The following MYH10 variants were observed in gnomAD, a reference collection of about 807,000 sequenced individuals.
MYH10 encodes the protein myosin-10.
In MYH10, 55 loss-of-function variants were observed where a neutral mutation model predicts 257.8. The observed-to-expected ratio is 0.21, with a 90% CI of 0.17 to 0.27. The LOEUF (loss-of-function observed/expected upper bound fraction) is 0.27. MYH10 is among the 10% of genes least tolerant of loss of function. The probability of loss-of-function intolerance (pLI) is 1.00; values close to 1 mark genes in which losing one functional copy is unlikely to be tolerated. For synonymous variants in MYH10, 854 were observed against 921.7 expected, an observed-to-expected ratio of 0.93 and a Z score of 1.33; for missense variants, 1,631 against 2,500.6, an observed-to-expected ratio of 0.65 and a Z score of 7.42.
In MYH10 at chr17:8,480,151, G is replaced by C. The variant is rs1913449840; in HGVS notation, c.5556C>G (p.Ala1852=). Residue 1852 remains alanine (A), a synonymous_variant, in exon 40 of 43, where the codon GCC becomes GCG. Coordinates refer to ENST00000360416, the MANE Select transcript of MYH10 (RefSeq NM_001256012.3). The stretch of plus-strand genomic sequence containing the variant: ...GCTGCTCCTCCAGCTGCCCAATCTT[G>C]GCCTCCAGGGCTGAGATGGTGGCCT... ...KFKATISALE[A]KIGQLEEQLE... is the part of the protein sequence containing the mutation. 6.2e-7 allele frequency: 1 copy of C among 1,613,972 alleles called. No individual in the cohort carries two copies. Among genetic ancestry groups the C allele is most frequent in the Admixed American group, 1.7e-5 (1 of 60,000 alleles).
intron 30 of MYH10, among the ~76,000 whole-genome samples, chr17:8,498,272 T>G (rs371043323): frequency 1.3e-5 from 2 of 152,098 alleles, no homozygotes; most frequent in East Asian, 1.9e-4. Flanking sequence ...AGGTGTGAGC[T>G]ACCACGCCCG....
intron 23 of MYH10, 33 bp from the exon 24 acceptor site, chr17:8,512,690 C>T: frequency 4.4e-6 from 7 of 1,576,474 alleles, no homozygotes; most frequent in South Asian, 1.1e-5. Flanking sequence ...GTGATTTGCC[C>T]CTATTACATA....
intron 30 of MYH10, among the ~76,000 whole-genome samples, chr17:8,498,930 A>C (rs1363445161): frequency 6.6e-6 from 1 of 152,192 alleles, no homozygotes; most frequent in East Asian, 1.9e-4. Flanking sequence ...ATCTTTGCCA[A>C]TGTGAAGTAT....
intron 9 of MYH10, among the ~76,000 whole-genome samples, chr17:8,549,022 G>A (rs369933134): frequency 2.6e-5 from 4 of 152,162 alleles, no homozygotes; most frequent in Non-Finnish European, 5.9e-5. Context: ...ACCTTAACAG[G>A]AGTTTTGGGG....
chr17:8,540,408 AT>A (rs1213472868), intron 14 of MYH10, among the ~76,000 whole-genome samples: 2 of 152,216 alleles, frequency 1.3e-5, no homozygotes, highest in South Asian at 2.1e-4. Flanking sequence ...TAAAAAAAAA[AT>A]ATGCAAAAAT....
intron 7 of MYH10, among the ~76,000 whole-genome samples, chr17:8,567,549 A>C (rs2083202374): frequency 6.6e-6 from 1 of 152,192 alleles, no homozygotes; most frequent in Non-Finnish European, 1.5e-5. Context: ...GTAATTAGGA[A>C]GAGGGTCTTT....
In MYH10 at chr17:8,477,019, C is replaced by G; in HGVS notation, c.5736G>C (p.Gln1912His). 3.7e-6 allele frequency: 6 copies of G among 1,614,168 alleles called. No homozygotes were observed. The highest frequency in any genetic ancestry group is 5.1e-6 in the Non-Finnish European group (6 of 1,180,044). The change falls in exon 42 of 43, where the codon CAG becomes CAC. Residue 1912 changes from glutamine to histidine, a missense_variant. Gln to His is a conservative substitution (Grantham distance 24). Around this residue, in one of 11 missense-constraint regions of MYH10, gnomAD observed 343 missense variants for 389.5 expected, o/e 0.88. Coordinates refer to ENST00000360416, the MANE Select transcript of MYH10 (RefSeq NM_001256012.3). The surrounding 1 kb of genome is among the most constrained non-coding windows in gnomAD (Gnocchi z 4.2). ...CTGCTTCCTCCAGCTGGCGTTTAAG[C>G]TGCTTCATCCGAGCGTTGGCCTTCT... ...QMEKANARMK[Q>H]LKRQLEEAEE...
At chr17:8,513,208 C>T (rs1340544997) in intron 23 of MYH10, among the ~76,000 whole-genome samples, 2 of 152,080 alleles carry the variant, frequency 1.3e-5, no homozygotes, top group African/African-American at 4.8e-5. Flanking sequence ...TTCTATTTCC[C>T]CTCATAAACA....
At chr17:8,533,576 T>C (rs1218208111) in intron 16 of MYH10, among the ~76,000 whole-genome samples, 2 of 152,276 alleles carry the variant, frequency 1.3e-5, no homozygotes, top group Non-Finnish European at 2.9e-5. Context: ...GAAAACACTG[T>C]GTGGCACTTA....
At chr17:8,511,059 T>TATATATATATATATAC (rs1222415877) in intron 24 of MYH10, 3 of 88,682 alleles carry the variant, frequency 3.4e-5, no homozygotes, top group African/African-American at 1.7e-4. Context: ...TATATATATA[T>TATATATATATATATAC]ACACACATAC....
intron 6 of MYH10, among the ~76,000 whole-genome samples, chr17:8,573,173 A>G (rs2083402304): frequency 6.6e-6 from 1 of 152,232 alleles, no homozygotes; most frequent in African/African-American, 2.4e-5. Flanking sequence ...TACATAGTAT[A>G]TAATATACAC....
intron 11 of MYH10, 107 bp from the exon 12 acceptor site, chr17:8,546,769 G>A: frequency 2.7e-6 from 2 of 753,944 alleles, no homozygotes; most frequent in Non-Finnish European, 2.1e-6. Flanking sequence ...ATTGTATTAA[G>A]AAATAAATAA....
chr17:8,568,408 G>A (rs537569130), intron 7 of MYH10, among the ~76,000 whole-genome samples: 1 of 152,078 alleles, frequency 6.6e-6, no homozygotes, highest in African/African-American at 2.4e-5. Flanking sequence ...GAATCTGGTC[G>A]CTTCCACTAA....
In MYH10 at chr17:8,504,856, T is replaced by G; in HGVS notation, c.3437A>C (p.Glu1146Ala). 1 of 1,614,224 alleles carries G rather than the reference T, an allele frequency of 6.2e-7. No individual in the cohort carries two copies. ...AAGTTCAGCAATTTGGGCTTGTAGCTCTCGCACAACTTTAAGGGCATTGTT... is the reference window on the plus strand; with the variant it reads ...AAGTTCAGCAATTTGGGCTTGTAGCGCTCGCACAACTTTAAGGGCATTGTT... Reference protein sequence around the residue: ...HKNNALKVVRELQAQIAELQE... With the variant: ...HKNNALKVVRALQAQIAELQE... Residue 1146 changes from glutamate to alanine, a missense_variant, in exon 28 of 43, where the codon GAG becomes GCG. Transcript: ENST00000360416. This position sits in a 1 kb window ranked among gnomAD's most constrained non-coding sequence, Gnocchi z 5.6.
At position 8,486,513 on chromosome 17, in the gene MYH10, A is replaced by AAAC. The variant is rs568818254; in HGVS notation, c.5046+917_5046+919dup. On this transcript the variant is annotated intron_variant, in intron 36 of 42. Coordinates refer to ENST00000360416, the MANE Select transcript of MYH10 (RefSeq NM_001256012.3). Reference sequence around the variant, plus strand: ...ACTGAGACTCTATCTCTGGGAAAAAAAACAAAAAAAAAATCTTTATATTTA... The same window carrying AAAC: ...ACTGAGACTCTATCTCTGGGAAAAAAAACAACAAAAAAAAAATCTTTATATTTA... 3.6e-4 allele frequency among the ~76,000 whole-genome samples: 54 copies of AAAC among 151,366 alleles called. 2 individuals carry two copies. The East Asian group carries it at 0.01, about 29-fold the overall frequency.
chr17:8,596,981 A>AG (rs2152063713), intron 3 of MYH10, among the ~76,000 whole-genome samples: 1 of 152,218 alleles, frequency 6.6e-6, no homozygotes, highest in South Asian at 2.1e-4. Context: ...GAACTGGAGG[A>AG]GGATAACAGG....
intron 42 of MYH10, 104 bp from the exon 43 acceptor site, chr17:8,476,052 C>G (rs975673857): frequency 1.6e-5 from 21 of 1,316,178 alleles, no homozygotes; most frequent in Middle Eastern, 5.4e-4. Context: ...CTTGCACCCC[C>G]TCCTCGGACA....
Position 8,499,306 on chromosome 17 carries a change from G to A in MYH10, c.3915C>T (p.Leu1305=). The change falls in exon 30 of 43, where the codon CTC becomes CTT. Residue 1305 remains leucine (L), a synonymous_variant. Coordinates refer to ENST00000360416, the MANE Select transcript of MYH10 (RefSeq NM_001256012.3). ...TTGCTTTCTCCGCCAGCTCCACCCTGAGCCTGTCGCCTTCAGAGACCTTGG... is the reference window on the plus strand; with the variant it reads ...TTGCTTTCTCCGCCAGCTCCACCCTAAGCCTGTCGCCTTCAGAGACCTTGG... ...LHAKVSEGDR[L]RVELAEKASK... is the part of the protein sequence containing the mutation. 1 of 1,614,040 alleles carries A rather than the reference G, an allele frequency of 6.2e-7. No individual in the cohort carries two copies. The highest frequency in any genetic ancestry group is 8.5e-7 in the Non-Finnish European group (1 of 1,180,020).
intron 4 of MYH10, among the ~76,000 whole-genome samples, chr17:8,585,517 C>G (rs2083887631): frequency 6.6e-6 from 1 of 151,714 alleles, no homozygotes; most frequent in South Asian, 2.1e-4. Flanking sequence ...GGTGGATCCT[C>G]AAAGGCACCA....
Sources: gnomAD v4.1 joint callset for allele counts (sites outside exome capture counted in the v4.1 genomes callset) on GRCh38, gnomAD v4.1.1 for gene constraint, gnomAD v4.1.1 regional missense constraint, Gnocchi (gnomAD v3.1) non-coding constraint, MANE v1.5 for transcripts, NCBI Gene and HGNC (gene_info 2026-07-23, HGNC 2026-07-21) for gene names.